Variants in ULK3 observed in about 807,000 individuals in gnomAD.
The protein encoded by ULK3 is unc-51 like kinase 3, also known as serine/threonine-protein kinase ULK3.
A neutral mutation model predicts 69.4 loss-of-function variants in ULK3; 54 were observed. The observed-to-expected ratio is 0.78, with a 90% CI of 0.63 to 0.98. ULK3 has a LOEUF of 0.98. Ranked by LOEUF, ULK3 falls within the 50% of genes least tolerant of loss-of-function variation. The pLI is 0.00. For missense variants in ULK3, 558 were observed against 627.7 expected (o/e 0.89, Z 1.19); for synonymous variants, 240 against 254.5 (o/e 0.94, Z 0.54).
chr15:74,839,910 G>A (rs777947096), intron 6 of ULK3, among the ~76,000 whole-genome samples, 197 bp from the exon 7 acceptor site: 2 of 152,140 alleles, frequency 1.3e-5, no homozygotes, highest in African/African-American at 2.4e-5. Flanking sequence ...GTGCACCCTC[G>A]CTGGAGCCCT....
rs1301747011 is a variant in ULK3, at chr15:74,839,692, A to G, written c.718T>C (p.Ser240Pro). The G allele has an allele frequency of 6.4e-7, 1 of 1,552,210 alleles. No individual in the cohort carries two copies. Among genetic ancestry groups the G allele is most frequent in the Admixed American group, 1.9e-5 (1 of 51,670 alleles). The part of the protein sequence containing the change: ...VIELPLRPLL[S>P]RDCRDLLQRL... ...TGCAGTAGGTCCCGGCAGTCTCGGG[A>G]GAGCAGGGGCCGCAAGGGGAGCTGC... is the stretch of plus-strand genomic sequence containing the variant. Residue 240 changes from serine (S) to proline (P), a missense_variant, in exon 7 of 16, where the codon TCC becomes CCC. Coordinates refer to ENST00000440863, the MANE Select transcript of ULK3 (RefSeq NM_001099436.4).
Position 74,839,546 on chromosome 15 carries a change from C to G in ULK3, c.852+12G>C. The G allele has an allele frequency of 1.9e-6, 3 of 1,550,944 alleles. No homozygotes were observed. Among genetic ancestry groups the G allele is most frequent in the Middle Eastern group, 1.8e-4 (1 of 5,586 alleles). ...CACCCTCAGCCCACCCCAGCCCCAG[C>G]CGTCTGCTCACTGCTCGCCCCAGAC... On this transcript the variant is annotated intron_variant, in intron 7 of 15. Transcript: ENST00000440863.
Position 74,840,533 on chromosome 15 carries a change from C to A in ULK3, c.578G>T (p.Arg193Leu), listed in dbSNP as rs932862997. ...GACCCCCATGGACCAGAGGTCCACG[C>A]GGGCGTCATACTGCCGCTGGCACAC... ...EMVCQRQYDARVDLWSMGVIL... is the reference protein window; with the variant it reads ...EMVCQRQYDALVDLWSMGVIL... The change falls in exon 5 of 16, where the codon CGC (arginine) becomes CTC (leucine). Residue 193 changes from arginine (R) to leucine (L), a missense_variant. By Grantham distance (102) the Arg-to-Leu change is moderately radical. Coordinates refer to ENST00000440863, the MANE Select transcript of ULK3 (RefSeq NM_001099436.4). 3 of 1,610,060 alleles carry A rather than the reference C, an allele frequency of 1.9e-6. No homozygotes were observed. The East Asian group carries it at 6.7e-5, about 36-fold the overall frequency.
Position 74,842,512 on chromosome 15 carries a change from A to ACC in ULK3, c.103-94_103-93dup. ...TCTATCTGGTTCCCTCTGTTCCCCC[A>ACC]CCCCGCCCCTCCCCGGGTCTACCTA... On this transcript the variant is annotated intron_variant, in intron 1 of 15. Coordinates refer to ENST00000440863, the MANE Select transcript of ULK3 (RefSeq NM_001099436.4). This position sits in a 1 kb window ranked among gnomAD's most constrained non-coding sequence, Gnocchi z 4.9. The ACC allele has an allele frequency of 7.4e-7, 1 of 1,351,710 alleles. No individual in the cohort carries two copies. Among genetic ancestry groups the ACC allele is most frequent in the Non-Finnish European group, 1.0e-6 (1 of 976,974 alleles). 83.7% of individuals were successfully genotyped at this position (1,351,710 alleles called of 1,614,324 possible).
Position 74,843,078 on chromosome 15 carries a change from G to T in ULK3, c.28C>A (p.Arg10Ser). ...TCGGTGAGGATGAAGCCGTCCAGGCGCGGGGGACCCCAGCCGGGCCCCGCC... is the reference window on the plus strand; with the variant it reads ...TCGGTGAGGATGAAGCCGTCCAGGCTCGGGGGACCCCAGCCGGGCCCCGCC... MAGPGWGPP[R>S]LDGFILTERL... The change falls in exon 1 of 16, where the codon CGC becomes AGC. Residue 10 changes from arginine (R) to serine (S), a missense_variant. By Grantham distance (110) the Arg-to-Ser change is moderately radical. Transcript: ENST00000440863. 7.1e-7 allele frequency: 1 copy of T among 1,414,474 alleles called. No homozygotes were observed. The allele number at this position is 1,414,474 out of a possible 1,614,324, so 87.6% of individuals were successfully genotyped here. A position where few individuals can be genotyped will look rare whatever the true frequency, so the allele number is the denominator to read the frequency against.
chr15:74,841,945 AC>A (rs2064266083), intron 3 of ULK3, 129 bp downstream of exon 3: 1 of 1,453,630 alleles, frequency 6.9e-7, no homozygotes, highest in Non-Finnish European at 9.4e-7. Context: ...GATAAACAGG[AC>A]CATAAAATTT....
At chr15:74,837,900 C>A in intron 13 of ULK3, 102 bp from the exon 14 acceptor site, 1 of 1,305,604 alleles carries the variant, frequency 7.7e-7, no homozygotes. Flanking sequence ...GAACCCTCTG[C>A]CCCATCAGAA....
Position 74,842,696 on chromosome 15 carries a change from C to A in ULK3, c.103-276G>T. 2 of 1,533,970 alleles carry A rather than the reference C, an allele frequency of 1.3e-6. No homozygotes were observed. The highest frequency in any genetic ancestry group is 1.2e-5 in the South Asian group (1 of 83,996). On this transcript the variant is annotated intron_variant, in intron 1 of 15. Transcript: ENST00000440863. This position sits in a 1 kb window ranked among gnomAD's most constrained non-coding sequence, Gnocchi z 4.9. ...CATTCTGGAGTGCTCCCGGCAGAGG[C>A]ATGTCACTCAGGGTTCTAGAACCGC... is the stretch of plus-strand genomic sequence containing the variant.
Position 74,838,752 on chromosome 15 carries a change from C to A in ULK3, c.1000-7G>T. ...GGGACACGTACTGCCCCACCTGTAG[C>A]AGGGAAAGGGCCTGAGGAGGGGCTG... On this transcript the variant is annotated splice_polypyrimidine_tract_variant and splice_region_variant and intron_variant, in intron 9 of 15. Transcript: ENST00000440863. 6.3e-7 allele frequency: 1 copy of A among 1,598,344 alleles called. No homozygotes were observed. The highest frequency in any genetic ancestry group is 1.7e-4 in the Middle Eastern group (1 of 6,044).
rs981351711 is a variant in ULK3 at position 74,842,906 on chromosome 15, C to T, written c.102+98G>A. ...CTGGGGCGAGGCCGGCCTCCCGCCCCTAACTATTCCCACACTGTCGCTAAC... is the reference window on the plus strand; with the variant it reads ...CTGGGGCGAGGCCGGCCTCCCGCCCTTAACTATTCCCACACTGTCGCTAAC... On this transcript the variant is annotated intron_variant, in intron 1 of 15. Transcript: ENST00000440863. The surrounding 1 kb of genome is among the most constrained non-coding windows in gnomAD (Gnocchi z 4.9). The T allele has an allele frequency of 9.2e-5, 129 of 1,403,226 alleles. No individual in the cohort carries two copies. The highest frequency in any genetic ancestry group is 1.2e-4 in the Non-Finnish European group (122 of 1,044,436). 86.9% of individuals were successfully genotyped at this position (1,403,226 alleles called of 1,614,324 possible).
chr15:74,839,010 C>G lies in ULK3; in HGVS notation c.999G>C (p.Lys333Asn). 1 of 1,604,026 alleles carries G rather than the reference C, an allele frequency of 6.2e-7. No homozygotes were observed. The highest frequency in any genetic ancestry group is 1.1e-5 in the South Asian group (1 of 88,560). The change falls in exon 9 of 16, where the codon AAG becomes AAC. Residue 333 changes from lysine to asparagine, a missense_variant and splice_region_variant. By Grantham distance (94) the Lys-to-Asn change is moderately conservative (BLOSUM62 0). Coordinates refer to ENST00000440863, the MANE Select transcript of ULK3 (RefSeq NM_001099436.4). ...CTTCCTCATGGGGACTCTCACCCAC[C>G]TTTGCCTTAATTGCCTCCTTCCGCT... The part of the protein sequence containing the change: ...DAQRKEAIKA[K>N]VGQYVSRAEE...
chr15:74,838,156 G>A lies in ULK3; in HGVS notation c.1283C>T (p.Thr428Ile), dbSNP rs778489335. The A allele has an allele frequency of 7.7e-6, 12 of 1,556,968 alleles. No homozygotes were observed. In the East Asian group the frequency reaches 1.4e-4, roughly 19 times the overall value. ...CCTCTCAAGCTCAGTGGGCACCTCAGTGTGAAGCAGCTCCCGCCTCCGGCC... is the reference window on the plus strand; with the variant it reads ...CCTCTCAAGCTCAGTGGGCACCTCAATGTGAAGCAGCTCCCGCCTCCGGCC... ...PPGRRRELLH[T>I]EVQNLMARAE... Residue 428 changes from threonine to isoleucine, a missense_variant, in exon 13 of 16, where the codon ACT becomes ATT. Thr to Ile is a moderately conservative substitution (Grantham distance 89). Coordinates refer to ENST00000440863, the MANE Select transcript of ULK3 (RefSeq NM_001099436.4).
At position 74,842,624 on chromosome 15, in the gene ULK3, C is replaced by CTCAGA; in HGVS notation, c.103-205_103-204insTCTGA. ...TGGAATCCTGGCTTCCCGACACAGC[C>CTCAGA]TCAGCCTGGTCTTCTCCAACCCTCG... On this transcript the variant is annotated intron_variant, in intron 1 of 15. Coordinates refer to ENST00000440863, the MANE Select transcript of ULK3 (RefSeq NM_001099436.4). This position sits in a 1 kb window ranked among gnomAD's most constrained non-coding sequence, Gnocchi z 4.9. 1 of 1,539,796 alleles carries CTCAGA rather than the reference C, an allele frequency of 6.5e-7. No individual in the cohort carries two copies. Among genetic ancestry groups the CTCAGA allele is most frequent in the Non-Finnish European group, 8.7e-7 (1 of 1,149,228 alleles).
chr15:74,840,177 C>A, intron 6 of ULK3, 57 bp downstream of exon 6: 2 of 1,549,574 alleles, frequency 1.3e-6, no homozygotes, highest in East Asian at 2.4e-5. Context: ...GGTCTAAACC[C>A]TCAGGGCCCT....
chr15:74,841,511 T>C lies in ULK3; in HGVS notation c.365-2A>G. 1 of 1,613,638 alleles carries C rather than the reference T, an allele frequency of 6.2e-7. No homozygotes were observed. Among genetic ancestry groups the C allele is most frequent in the Non-Finnish European group, 8.5e-7 (1 of 1,179,658 alleles). ...CATGCAGGAATTGCAGGGCGCTAGCTGAGGAGCAGGACCCACGAAGAGAGA... is the reference window on the plus strand; with the variant it reads ...CATGCAGGAATTGCAGGGCGCTAGCCGAGGAGCAGGACCCACGAAGAGAGA... On this transcript the variant is annotated splice_acceptor_variant, in intron 3 of 15. Transcript: ENST00000440863. LOFTEE classifies it high-confidence loss of function.
Position 74,842,830 on chromosome 15 carries a change from C to T in ULK3, c.102+174G>A, listed in dbSNP as rs2064310997. 2.9e-6 allele frequency: 4 copies of T among 1,357,442 alleles called. No individual in the cohort carries two copies. The East Asian group carries it at 1.0e-4, about 34-fold the overall frequency. 84.1% of individuals were successfully genotyped at this position (1,357,442 alleles called of 1,614,324 possible). A position where few individuals can be genotyped will look rare whatever the true frequency, so the allele number is the denominator to read the frequency against. On this transcript the variant is annotated intron_variant, in intron 1 of 15. Transcript: ENST00000440863. This position sits in a 1 kb window ranked among gnomAD's most constrained non-coding sequence, Gnocchi z 4.9. ...GACCCTGCAGGTGGGTGCAGGTGCGCTCTTTAAGACCTAAGCGTGGCAGTC... is the reference window on the plus strand; with the variant it reads ...GACCCTGCAGGTGGGTGCAGGTGCGTTCTTTAAGACCTAAGCGTGGCAGTC...
At position 74,841,447 on chromosome 15, in the gene ULK3, T is replaced by C. The variant is rs1485771915; in HGVS notation, c.427A>G (p.Ile143Val). 3 of 1,613,938 alleles carry C rather than the reference T, an allele frequency of 1.9e-6. No homozygotes were observed. The highest frequency in any genetic ancestry group is 1.1e-5 in the South Asian group (1 of 91,080). The change falls in exon 4 of 16, where the codon ATT becomes GTT. Residue 143 changes from isoleucine to valine, a missense_variant. By Grantham distance (29) the Ile-to-Val change is conservative (BLOSUM62 3). Transcript: ENST00000440863. ...ISHLDLKPQN[I>V]LLSSLEKPHL... is the part of the protein sequence containing the mutation. Reference sequence around the variant, plus strand: ...GGCTTCTCCAAGGAGCTCAGTAGAATGTTCTGTGGCTTCAGATCCAGGTGA... The same window carrying C: ...GGCTTCTCCAAGGAGCTCAGTAGAACGTTCTGTGGCTTCAGATCCAGGTGA...
chr15:74,838,415 C>T, intron 11 of ULK3, 25 bp downstream of exon 11: 1 of 1,566,750 alleles, frequency 6.4e-7, no homozygotes, highest in Non-Finnish European at 8.7e-7. Context: ...CCCGACCCAC[C>T]TGGACCCCTC....
chr15:74,842,364 C>T lies in ULK3; in HGVS notation c.159G>A (p.Lys53=), dbSNP rs1369563062. 1 of 1,614,006 alleles carries T rather than the reference C, an allele frequency of 6.2e-7. No homozygotes were observed. Residue 53 remains lysine, a synonymous_variant, in exon 2 of 16, where the codon AAG becomes AAA. Transcript: ENST00000440863. The surrounding 1 kb of genome is among the most constrained non-coding windows in gnomAD (Gnocchi z 4.9). ...IKCVAKKSLN[K]ASVENLLTEI... ...CCGTGAGGAGGTTCTCCACCGATGC[C>T]TTGTTCAGACTTTTCTTGGCTACAC... is the stretch of plus-strand genomic sequence containing the variant.
Sources: allele counts gnomAD v4.1 joint callset (sites outside exome capture counted in the v4.1 genomes callset), GRCh38; gene constraint gnomAD v4.1.1; non-coding constraint Gnocchi (gnomAD v3.1); transcripts MANE v1.5; gene names NCBI Gene and HGNC (gene_info 2026-07-23, HGNC 2026-07-21).